METTL4: variants seen among roughly 807,000 people sequenced by gnomAD.
METTL4 encodes the protein methyltransferase 4, N6-adenosine, also known as N(6)-adenine-specific methyltransferase METTL4.
A neutral mutation model predicts 54.0 loss-of-function variants in METTL4; 40 were observed. That is an observed-to-expected ratio of 0.74 (90% CI 0.58 to 0.96). METTL4 has a LOEUF of 0.96. Ranked by LOEUF, METTL4 falls within the 50% of genes least tolerant of loss-of-function variation. The probability of loss-of-function intolerance (pLI) is 0.00; values close to 1 mark genes in which losing one functional copy is unlikely to be tolerated. For synonymous variants in METTL4, 169 were observed against 183.8 expected (o/e 0.92, Z 0.65); for missense variants, 525 against 549.0 (o/e 0.96, Z 0.44).
In METTL4 at chr18:2,557,503, G is replaced by C. The variant is rs1408392901; in HGVS notation, c.460-2465C>G. On this transcript the variant is annotated intron_variant, in intron 3 of 8. Coordinates refer to ENST00000574538, the MANE Select transcript of METTL4 (RefSeq NM_022840.5). ...CCAAGGATATGTATACAACATGGAA[G>C]ATGGAGTAGTGTCTCCCCAAGGCAG... Among the ~76,000 whole-genome samples, 4 of 152,142 alleles carry C rather than the reference G, an allele frequency of 2.6e-5. 1 individual carries two copies. Among genetic ancestry groups the C allele is most frequent in the Admixed American group, 2.6e-4 (4 of 15,278 alleles).
At chr18:2,557,926 C>T (rs1392315010) in intron 3 of METTL4, among the ~76,000 whole-genome samples, 2 of 152,114 alleles carry the variant, frequency 1.3e-5, no homozygotes, top group Non-Finnish European at 2.9e-5. Context: ...GGTAATTAGA[C>T]CGATCTTGCA....
At chr18:2,547,251 T>C in intron 6 of METTL4, 104 bp downstream of exon 6, 1 of 846,410 alleles carries the variant, frequency 1.2e-6, no homozygotes, top group East Asian at 2.9e-5. Flanking sequence ...TTAGCCCATG[T>C]TGAAGGAGTA....
chr18:2,566,960 A>T lies in METTL4; in HGVS notation c.257T>A (p.Phe86Tyr), dbSNP rs767538776. 12 of 1,614,040 alleles carry T rather than the reference A, an allele frequency of 7.4e-6. 1 individual carries two copies. In the South Asian group the frequency reaches 1.2e-4, roughly 16 times the overall value. ...GGNYEMFTRK[F>Y]VFRPELFDVT... ...ATCAAACAGTTCAGGTCGAAAAACA[A>T]ATTTTCGTGTGAACATTTCATAATT... The change falls in exon 2 of 9, where the codon TTT (phenylalanine) becomes TAT (tyrosine). Residue 86 changes from phenylalanine to tyrosine, a missense_variant. Transcript: ENST00000574538.
In METTL4 at chr18:2,547,151, T is replaced by G. The variant is rs113373655; in HGVS notation, c.1074+204A>C. ...AGACTGACTTCCCAAAGCCAGCAGTTTGAGGCCCCATTACAAAAAGACATA... is the reference window on the plus strand; with the variant it reads ...AGACTGACTTCCCAAAGCCAGCAGTGTGAGGCCCCATTACAAAAAGACATA... On this transcript the variant is annotated intron_variant, in intron 6 of 8. Coordinates refer to ENST00000574538, the MANE Select transcript of METTL4 (RefSeq NM_022840.5). Among the ~76,000 whole-genome samples, 500 of 152,240 alleles carry G rather than the reference T, an allele frequency of 3.3e-3. 3 individuals carry two copies. The highest frequency in any genetic ancestry group is 0.011 in the African/African-American group (474 of 41,550).
chr18:2,544,317 A>G (rs907182600), intron 7 of METTL4, 31 bp from the exon 8 acceptor site: 4 of 1,536,016 alleles, frequency 2.6e-6, no homozygotes, highest in Non-Finnish European at 3.5e-6. Context: ...AGTAAACTAT[A>G]TTTTAAAAAA....
rs1244199455 is a variant in METTL4 at position 2,563,791 on chromosome 18, A to G, written c.459+6T>C. On this transcript the variant is annotated splice_donor_region_variant and intron_variant, in intron 3 of 8. Coordinates refer to ENST00000574538, the MANE Select transcript of METTL4 (RefSeq NM_022840.5). ...CCAATGTGATCAATGAACATTTTAC[A>G]CTTACCTTTGTATGGTATTCCATAG... The G allele has an allele frequency of 1.3e-6, 2 of 1,591,016 alleles. No homozygotes were observed. The highest frequency in any genetic ancestry group is 4.5e-5 in the East Asian group (2 of 44,102).
At chr18:2,551,217 G>T (rs1598347509) in intron 5 of METTL4, among the ~76,000 whole-genome samples, 1 of 144,990 alleles carries the variant, frequency 6.9e-6, no homozygotes, top group South Asian at 2.2e-4. Flanking sequence ...TACCTATTTT[G>T]ATAATTACAT....
rs1236168389 is a variant in METTL4, at chr18:2,552,780, C to T, written c.830-16G>A. On this transcript the variant is annotated splice_polypyrimidine_tract_variant and intron_variant, in intron 4 of 8. Transcript: ENST00000574538. ...GTTTTCCTATCTGAAAACAAAGATA[C>T]AATTTCAGAAAATACCTTCTCTATG... The T allele has an allele frequency of 5.1e-6, 8 of 1,563,788 alleles. No individual in the cohort carries two copies. Among genetic ancestry groups the T allele is most frequent in the Middle Eastern group, 1.7e-4 (1 of 5,938 alleles).
intron 8 of METTL4, chr18:2,540,464 T>C (rs1281277436): frequency 5.1e-6 from 5 of 984,502 alleles, no homozygotes; most frequent in Non-Finnish European, 6.0e-6. Flanking sequence ...GGTTTCATCA[T>C]GTTCTTCAGT....
Position 2,567,127 on chromosome 18 carries a change from A to G in METTL4, c.90T>C (p.His30=), listed in dbSNP as rs141331820. ...NKINYQLHQH[H]EPCCRKKEFT... ...ACTCCTTTTTACGGCAACAAGGTTC[A>G]TGATGCTGGTGAAGTTGATAGTTTA... Residue 30 remains histidine (H), a synonymous_variant, in exon 2 of 9, where the codon CAT becomes CAC. Transcript: ENST00000574538. 6.4e-5 allele frequency: 103 copies of G among 1,614,034 alleles called. No homozygotes were observed. Among genetic ancestry groups the G allele is most frequent in the Non-Finnish European group, 8.4e-5 (99 of 1,179,988 alleles).
intron 3 of METTL4, 49 bp from the exon 4 acceptor site, chr18:2,555,087 A>C: frequency 6.5e-7 from 1 of 1,540,966 alleles, no homozygotes; most frequent in Non-Finnish European, 8.8e-7. Context: ...ATTAAAAAAG[A>C]ACATTGACTG....
intron 5 of METTL4, among the ~76,000 whole-genome samples, chr18:2,550,946 C>T (rs1437663016): frequency 4.0e-5 from 6 of 151,700 alleles, no homozygotes; most frequent in Admixed American, 6.6e-5. Flanking sequence ...GGGCGGATCA[C>T]GAGGTCAGGA....
At chr18:2,564,747 T>C (rs1463853935) in intron 2 of METTL4, among the ~76,000 whole-genome samples, 1 of 152,208 alleles carries the variant, frequency 6.6e-6, no homozygotes, top group Non-Finnish European at 1.5e-5. Flanking sequence ...GAAGGTGTCA[T>C]CAAGATTACA....
intron 3 of METTL4, among the ~76,000 whole-genome samples, chr18:2,559,734 GTTTT>G (rs1175571292): frequency 6.6e-6 from 1 of 152,012 alleles, no homozygotes; most frequent in Admixed American, 6.5e-5. Context: ...ACACATTTCT[GTTTT>G]TTGTTTTTTA....
rs759500588 is a variant in METTL4, at chr18:2,539,160, G to GA, written c.1274-16dup. 1.6e-5 allele frequency: 25 copies of GA among 1,594,290 alleles called. No homozygotes were observed. In the Admixed American group the frequency reaches 4.2e-4, roughly 27 times the overall value. On this transcript the variant is annotated splice_polypyrimidine_tract_variant and intron_variant, in intron 8 of 8. Transcript: ENST00000574538. Reference sequence around the variant, plus strand: ...TTTTAAAACCTCTGTTTAAAAAAGAGAAAAAACACAAAAATTATTATTGAG... The same window carrying GA: ...TTTTAAAACCTCTGTTTAAAAAAGAGAAAAAAACACAAAAATTATTATTGAG...
intron 3 of METTL4, among the ~76,000 whole-genome samples, chr18:2,563,582 C>T (rs1434918406): frequency 1.0e-5 from 1 of 97,596 alleles, no homozygotes; most frequent in Non-Finnish European, 1.8e-5. Flanking sequence ...GCCTGGGCAA[C>T]AGAATGAGAC....
chr18:2,550,255 T>G (rs368818912), intron 5 of METTL4, among the ~76,000 whole-genome samples: 6 of 152,242 alleles, frequency 3.9e-5, no homozygotes, highest in African/African-American at 1.4e-4. Context: ...AGAGGAAATA[T>G]TCATATCTCC....
chr18:2,555,636 C>T (rs371368519), intron 3 of METTL4: 1 of 152,154 alleles, frequency 6.6e-6, no homozygotes. Context: ...AAAAACATAA[C>T]TCTATAAAAC....
chr18:2,555,086 G>C, intron 3 of METTL4, 48 bp from the exon 4 acceptor site: 1 of 1,552,434 alleles, frequency 6.4e-7, no homozygotes, highest in Non-Finnish European at 8.8e-7. Context: ...CATTAAAAAA[G>C]AACATTGACT....
Sources: gnomAD v4.1 joint callset for allele counts (sites outside exome capture counted in the v4.1 genomes callset) on GRCh38, gnomAD v4.1.1 for gene constraint, MANE v1.5 for transcripts, NCBI Gene and HGNC (gene_info 2026-07-23, HGNC 2026-07-21) for gene names.